Variants in DLGAP2 observed in about 807,000 individuals in gnomAD.
The protein encoded by DLGAP2 is disks large-associated protein 2.
Under a neutral mutation model 100.3 loss-of-function variants are expected in DLGAP2, and 26 were observed. The ratio of observed to expected loss-of-function variants is 0.26; its 90% CI spans 0.19 to 0.36. The LOEUF is 0.36. Ranked by LOEUF, DLGAP2 falls within the 10% of genes least tolerant of loss-of-function variation. The pLI, the probability that DLGAP2 is intolerant of heterozygous loss-of-function variation, is 1.00. For synonymous variants in DLGAP2, 886 were observed against 630.1 expected, an observed-to-expected ratio of 1.41 and a Z score of -6.08; for missense variants, 1,858 against 1,453.2, an observed-to-expected ratio of 1.28 and a Z score of -4.53.
intron 3 of DLGAP2, chr8:1,381,091 G>T (rs1055368868): frequency 6.6e-6 from 1 of 151,976 alleles, no homozygotes; most frequent in Non-Finnish European, 1.5e-5. Flanking sequence ...TAAAAATAAA[G>T]GTCACGGCGC....
intron 2 of DLGAP2, among the ~76,000 whole-genome samples, chr8:911,214 G>A (rs994843034): frequency 4.6e-5 from 7 of 152,186 alleles, no homozygotes; most frequent in African/African-American, 1.7e-4. Flanking sequence ...ATGGTGAAGA[G>A]ATGACATGGC....
At chr8:1,106,767 A>G (rs1328164546) in intron 2 of DLGAP2, among the ~76,000 whole-genome samples, 5 of 151,964 alleles carry the variant, frequency 3.3e-5, no homozygotes, top group Non-Finnish European at 7.4e-5. Flanking sequence ...GAGCCATTCT[A>G]GGAGGGTTTT....
intron 3 of DLGAP2, among the ~76,000 whole-genome samples, chr8:1,352,300 G>GCA (rs1173409947): frequency 5.2e-4 from 73 of 141,106 alleles, no homozygotes; most frequent in African/African-American, 1.4e-3. Context: ...GAGCGTGTGT[G>GCA]TGGAAAGGCC....
intron 10 of DLGAP2, among the ~76,000 whole-genome samples, chr8:1,672,884 G>T (rs943731903): frequency 5.3e-5 from 8 of 152,104 alleles, no homozygotes; most frequent in Non-Finnish European, 1.2e-4. Context: ...AGCGGAAAAT[G>T]AGCTTGTTGG....
intron 3 of DLGAP2, among the ~76,000 whole-genome samples, chr8:1,295,489 C>T (rs1800150465): frequency 6.6e-6 from 1 of 152,140 alleles, no homozygotes; most frequent in Non-Finnish European, 1.5e-5. Context: ...GGGAAGCACA[C>T]TCTCTGTCCA....
rs187276599 is a variant in DLGAP2, at chr8:1,207,206, A to G, written c.74-51645A>G. Among the ~76,000 whole-genome samples, 314 of 152,278 alleles carry G rather than the reference A, an allele frequency of 2.1e-3. 2 individuals are homozygous for G. Among genetic ancestry groups the G allele is most frequent in the African/African-American group, 7.2e-3 (300 of 41,554 alleles). ...ACGCAAGCCATGTACACTGTACCCA[A>G]CGTGTAGTCTTTTATCCTCCACCCC... On this transcript the variant is annotated intron_variant, in intron 2 of 14. Coordinates refer to ENST00000637795, the MANE Select transcript of DLGAP2 (RefSeq NM_001346810.2).
intron 1 of DLGAP2, among the ~76,000 whole-genome samples, chr8:788,430 G>A (rs147193848): frequency 1.9e-4 from 29 of 152,268 alleles, no homozygotes; most frequent in African/African-American, 5.8e-4. Context: ...AGGCCTTGGC[G>A]TCTGTGTCCA....
intron 8 of DLGAP2, among the ~76,000 whole-genome samples, chr8:1,663,435 CT>C (rs1396949304): frequency 6.6e-6 from 1 of 152,098 alleles, no homozygotes; most frequent in African/African-American, 2.4e-5. Context: ...GGATGCTTAT[CT>C]CCGCTTCGTG....
intron 2 of DLGAP2, among the ~76,000 whole-genome samples, chr8:942,502 C>G (rs1426079364): frequency 6.6e-6 from 1 of 152,230 alleles, no homozygotes; most frequent in Non-Finnish European, 1.5e-5. Flanking sequence ...GTCCAGCATC[C>G]CAGCTCTCCT....
At chr8:1,463,199 A>G (rs1798509541) in intron 3 of DLGAP2, among the ~76,000 whole-genome samples, 1 of 152,218 alleles carries the variant, frequency 6.6e-6, no homozygotes, top group Non-Finnish European at 1.5e-5. Context: ...CAGTGAGCTG[A>G]GATCATGCCA....
rs534983828 is a variant in DLGAP2, at chr8:737,754, G to C, written c.-54G>C. On this transcript the variant is annotated 5_prime_UTR_variant, in exon 1 of 15. Transcript: ENST00000637795. ...GAGCCCCGGGAGCCGTCGGTCTGAG[G>C]AGGGGCCGCTTCGCCATGTCGCCCC... is the stretch of plus-strand genomic sequence containing the variant. The C allele has an allele frequency of 5.3e-6, 2 of 376,936 alleles. No individual in the cohort carries two copies. Among genetic ancestry groups the C allele is most frequent in the African/African-American group, 2.1e-5 (1 of 47,542 alleles). The allele number at this position is 376,936 out of a possible 1,614,324, so 23.3% of individuals were successfully genotyped here.
At chr8:1,067,604 C>CACGTGT (rs530004779) in intron 2 of DLGAP2, among the ~76,000 whole-genome samples, 4 of 140,304 alleles carry the variant, frequency 2.9e-5, no homozygotes, top group African/African-American at 8.1e-5. Flanking sequence ...GGTTGAGTGA[C>CACGTGT]GTGTGTGTGT....
chr8:1,249,275 G>C (rs948999442), intron 2 of DLGAP2, among the ~76,000 whole-genome samples: 1 of 152,152 alleles, frequency 6.6e-6, no homozygotes, highest in Non-Finnish European at 1.5e-5. Flanking sequence ...TGGGCCACTG[G>C]GCCTCTCTGT....
chr8:1,625,843 A>G (rs1191999090), intron 6 of DLGAP2, among the ~76,000 whole-genome samples: 1 of 152,256 alleles, frequency 6.6e-6, no homozygotes, highest in Admixed American at 6.5e-5. Context: ...ATTCACATTC[A>G]TAAATATGAA....
intron 3 of DLGAP2, among the ~76,000 whole-genome samples, chr8:1,364,685 AAGG>A (rs1802068905): frequency 6.6e-6 from 1 of 152,238 alleles, no homozygotes; most frequent in South Asian, 2.1e-4. Flanking sequence ...CTCGACTGGC[AAGG>A]AGGACTCCAA....
At chr8:1,126,309 G>GTATATATTTCCATGTATATA (rs1796163725) in intron 2 of DLGAP2, among the ~76,000 whole-genome samples, 1 of 152,126 alleles carries the variant, frequency 6.6e-6, no homozygotes, top group Admixed American at 6.5e-5. Flanking sequence ...ATATTTCCAT[G>GTATATATTTCCATGTATATA]TAGCCAGAAA....
intron 2 of DLGAP2, among the ~76,000 whole-genome samples, chr8:1,174,449 A>G (rs1041168445): frequency 2.0e-5 from 3 of 151,784 alleles, no homozygotes; most frequent in African/African-American, 4.9e-5. Flanking sequence ...TGCCATCACC[A>G]AAATCATTAT....
chr8:856,487 A>C lies in DLGAP2; in HGVS notation c.19-51425A>C, dbSNP rs147253625. 9.1e-4 allele frequency among the ~76,000 whole-genome samples: 138 copies of C among 152,292 alleles called. 2 individuals are homozygous for C. Among genetic ancestry groups the C allele is most frequent in the African/African-American group, 3.3e-3 (137 of 41,578 alleles). On this transcript the variant is annotated intron_variant, in intron 1 of 14. Transcript: ENST00000637795. ...ACAGGCATGAGCCACGGCACCCAGCAGTGGAAAAATCTTCTGAAACTAATA... is the reference window on the plus strand; with the variant it reads ...ACAGGCATGAGCCACGGCACCCAGCCGTGGAAAAATCTTCTGAAACTAATA...
At chr8:1,044,585 T>G (rs2129031432) in intron 2 of DLGAP2, among the ~76,000 whole-genome samples, 1 of 152,370 alleles carries the variant, frequency 6.6e-6, no homozygotes, top group East Asian at 1.9e-4. Context: ...GACGTCTCTC[T>G]AGGCCTCCAG....
Sources: gnomAD v4.1 joint callset for allele counts (sites outside exome capture counted in the v4.1 genomes callset) on GRCh38, gnomAD v4.1.1 for gene constraint, MANE v1.5 for transcripts, NCBI Gene and HGNC (gene_info 2026-07-23, HGNC 2026-07-21) for gene names.